Variants in SESN3 observed in about 807,000 individuals in gnomAD.
SESN3 encodes the protein sestrin-3.
SESN3 carries 21 observed loss-of-function variants against 55.3 expected under a neutral mutation model. The observed-to-expected ratio is 0.38, with a 90% CI of 0.27 to 0.55. The LOEUF (loss-of-function observed/expected upper bound fraction) is 0.55, where lower values mean the gene tolerates loss of function less well. SESN3 is among the 20% of genes least tolerant of loss of function. The pLI, the probability that SESN3 is intolerant of heterozygous loss-of-function variation, is 0.76. For synonymous variants in SESN3, 181 were observed against 203.1 expected (o/e 0.89, Z 0.93); for missense variants, 408 against 604.3 (o/e 0.68, Z 3.41).
intron 3 of SESN3, 146 bp downstream of exon 3, chr11:95,191,258 T>C: frequency 1.5e-6 from 1 of 656,978 alleles, no homozygotes; most frequent in Non-Finnish European, 2.8e-6. Context: ...AGACACTTGG[T>C]ATCCAAAAGG....
chr11:95,206,365 T>TAC (rs3032056), intron 1 of SESN3, among the ~76,000 whole-genome samples: 7,636 of 140,382 alleles, frequency 0.054, 195 homozygotes, highest in African/African-American at 0.076. Context: ...AGTCCTAAAA[T>TAC]ACACACACAC....
chr11:95,165,656 TATAA>T lies in SESN3; in HGVS notation c.*7595_*7598del, dbSNP rs1477298811. 3.9e-4 allele frequency: 60 copies of T among 152,308 alleles called. No homozygotes were observed. Among genetic ancestry groups the T allele is most frequent in the South Asian group, 2.1e-3 (10 of 4,828 alleles). The allele number at this position is 152,308 out of a possible 1,614,324, so 9.4% of individuals were successfully genotyped here. ...TTAACAAAACCCATTGTTCTGTACC[TATAA>T]ATAGATTTTCAAAATGTCATAAAAA... On this transcript the variant is annotated 3_prime_UTR_variant, in exon 10 of 10. Coordinates refer to ENST00000536441, the MANE Select transcript of SESN3 (RefSeq NM_144665.4).
At chr11:95,179,849 G>A (rs1197794181) in intron 6 of SESN3, among the ~76,000 whole-genome samples, 1 of 152,062 alleles carries the variant, frequency 6.6e-6, no homozygotes, top group Non-Finnish European at 1.5e-5. Flanking sequence ...TACCAAAGTG[G>A]CATTCAGGAA....
intron 1 of SESN3, among the ~76,000 whole-genome samples, chr11:95,196,739 T>G (rs1319985725): frequency 6.6e-6 from 1 of 152,216 alleles, no homozygotes; most frequent in Non-Finnish European, 1.5e-5. Flanking sequence ...CCACGTGTAC[T>G]CTACAGGACA....
At chr11:95,193,580 T>G (rs897934219) in intron 1 of SESN3, 58 bp from the exon 2 acceptor site, 1 of 930,460 alleles carries the variant, frequency 1.1e-6, no homozygotes. Context: ...AATGTTAAAT[T>G]TGTACACATT....
chr11:95,178,825 A>G lies in SESN3; in HGVS notation c.941T>C (p.Phe314Ser). ...DTFHSFPHSDFEDDMIITSDV... is the reference protein window; with the variant it reads ...DTFHSFPHSDSEDDMIITSDV... ...AGATGTTATAATCATGTCATCCTCA[A>G]AATCTAAGGACAATAATGAACAATC... Residue 314 changes from phenylalanine to serine, a missense_variant, in exon 7 of 10, where the codon TTT becomes TCT. Phe to Ser is a radical substitution (Grantham distance 155). Transcript: ENST00000536441. 1 of 1,544,092 alleles carries G rather than the reference A, an allele frequency of 6.5e-7. No individual in the cohort carries two copies. Among genetic ancestry groups the G allele is most frequent in the Non-Finnish European group, 9.0e-7 (1 of 1,116,610 alleles).
chr11:95,182,842 T>C (rs1860081936), intron 6 of SESN3, among the ~76,000 whole-genome samples: 1 of 152,160 alleles, frequency 6.6e-6, no homozygotes, highest in South Asian at 2.1e-4. Context: ...TCCTGTTTCC[T>C]TACCATCGTG....
chr11:95,196,730 C>T (rs1393180374), intron 1 of SESN3, among the ~76,000 whole-genome samples: 1 of 152,212 alleles, frequency 6.6e-6, no homozygotes, highest in African/African-American at 2.4e-5. Flanking sequence ...CACATAGGAC[C>T]ACGTGTACTC....
rs928036588 is a variant in SESN3 at position 95,230,729 on chromosome 11, C to T, written c.78+54G>A. On this transcript the variant is annotated intron_variant, in intron 1 of 9. Coordinates refer to ENST00000536441, the MANE Select transcript of SESN3 (RefSeq NM_144665.4). This position sits in a 1 kb window ranked among gnomAD's most constrained non-coding sequence, Gnocchi z 4.6. ...CGCGCCCGGGGACGAGCCGCCCGAG[C>T]CCCGGCCGGCAGGAAGCGACCCTCG... The T allele has an allele frequency of 1.8e-5, 25 of 1,408,484 alleles. No homozygotes were observed. The highest frequency in any genetic ancestry group is 2.3e-5 in the Non-Finnish European group (23 of 1,009,758). The allele number at this position is 1,408,484 out of a possible 1,614,324, so 87.2% of individuals were successfully genotyped here.
chr11:95,225,184 C>G (rs762554374), intron 1 of SESN3, among the ~76,000 whole-genome samples: 2 of 152,114 alleles, frequency 1.3e-5, no homozygotes, highest in African/African-American at 4.8e-5. Context: ...TAGTTTTACC[C>G]CCACTGCTTT....
chr11:95,216,850 G>A (rs1860767470), intron 1 of SESN3, among the ~76,000 whole-genome samples: 1 of 151,990 alleles, frequency 6.6e-6, no homozygotes, highest in African/African-American at 2.4e-5. Context: ...GCTCACACCT[G>A]TAATCCCAGC....
chr11:95,231,614 T>TA (rs1565479892), upstream of SESN3: 1 of 153,054 alleles, frequency 6.5e-6, no homozygotes, highest in Non-Finnish European at 1.5e-5. Context: ...TAGAGCTCGC[T>TA]AGAGAGTCTA....
chr11:95,199,771 A>G (rs918430172), intron 1 of SESN3, among the ~76,000 whole-genome samples: 10 of 152,094 alleles, frequency 6.6e-5, no homozygotes, highest in Non-Finnish European at 8.8e-5. Context: ...TCTATCCACT[A>G]AAATGTAAAT....
chr11:95,192,611 C>G (rs937722181), intron 2 of SESN3, among the ~76,000 whole-genome samples: 3 of 152,084 alleles, frequency 2.0e-5, no homozygotes, highest in Admixed American at 6.6e-5. Flanking sequence ...CTCTTCAGAG[C>G]TGGCTTCGCA....
At chr11:95,185,784 G>A (rs767350120) in intron 4 of SESN3, among the ~76,000 whole-genome samples, 6 of 151,786 alleles carry the variant, frequency 4.0e-5, no homozygotes, top group Non-Finnish European at 8.8e-5. Context: ...AATACTTTTA[G>A]AGAATCAAAG....
chr11:95,180,912 C>T (rs1240943470), intron 6 of SESN3, among the ~76,000 whole-genome samples: 2 of 152,044 alleles, frequency 1.3e-5, no homozygotes, highest in Non-Finnish European at 2.9e-5. Context: ...CATTTACAAA[C>T]CAGCTTATAC....
intron 1 of SESN3, among the ~76,000 whole-genome samples, chr11:95,197,943 A>C (rs1189831887): frequency 1.3e-5 from 2 of 152,080 alleles, no homozygotes; most frequent in East Asian, 3.9e-4. Flanking sequence ...TAGCACCTTA[A>C]AATCAACATG....
rs552359382 is a variant in SESN3 at position 95,231,052 on chromosome 11, T to A, written c.-192A>T. 320 of 409,988 alleles carry A rather than the reference T, an allele frequency of 7.8e-4. 2 individuals are homozygous for A. Among genetic ancestry groups the A allele is most frequent in the African/African-American group, 5.8e-3 (280 of 48,650 alleles). 25.4% of individuals were successfully genotyped at this position (409,988 alleles called of 1,614,324 possible). ...TGCCAGAGGCGACCACCGCGGCAGCTGCCCCAGCGACGGCGGAGACGGCGG... is the reference window on the plus strand; with the variant it reads ...TGCCAGAGGCGACCACCGCGGCAGCAGCCCCAGCGACGGCGGAGACGGCGG... On this transcript the variant is annotated 5_prime_UTR_variant, in exon 1 of 10. Transcript: ENST00000536441.
At chr11:95,189,647 AACTG>A (rs1232338853) in intron 4 of SESN3, 128 bp downstream of exon 4, 5 of 551,234 alleles carry the variant, frequency 9.1e-6, no homozygotes, top group African/African-American at 7.9e-5. Context: ...GCTTAAATTA[AACTG>A]ACTTTCTAAA....
Sources: gnomAD v4.1 joint callset for allele counts (sites outside exome capture counted in the v4.1 genomes callset) on GRCh38, gnomAD v4.1.1 for gene constraint, Gnocchi (gnomAD v3.1) non-coding constraint, MANE v1.5 for transcripts, NCBI Gene and HGNC (gene_info 2026-07-23, HGNC 2026-07-21) for gene names.